Variants in BRDT observed in about 807,000 individuals in gnomAD.
BRDT encodes bromodomain testis associated, also known as bromodomain testis-specific protein.
A neutral mutation model predicts 113.9 loss-of-function variants in BRDT; 77 were observed. That is an observed-to-expected ratio of 0.68 (90% CI 0.56 to 0.82). BRDT has a LOEUF of 0.82. Ranked by LOEUF, BRDT falls within the 40% of genes least tolerant of loss-of-function variation. The pLI is 0.00. For synonymous variants in BRDT, 358 were observed against 366.5 expected, an observed-to-expected ratio of 0.98 and a Z score of 0.26; for missense variants, 1,027 against 1,105.4, an observed-to-expected ratio of 0.93 and a Z score of 1.01.
chr1:91,990,752 T>C (rs1685674693), intron 12 of BRDT, among the ~76,000 whole-genome samples: 1 of 152,094 alleles, frequency 6.6e-6, no homozygotes, highest in African/African-American at 2.4e-5. Flanking sequence ...ACTCTAAGGA[T>C]TTCTTGATAT....
At chr1:92,009,529 G>A (rs984894456) in intron 18 of BRDT, among the ~76,000 whole-genome samples, 6 of 139,274 alleles carry the variant, frequency 4.3e-5, no homozygotes, top group African/African-American at 1.6e-4. Flanking sequence ...TTGTTTGCAG[G>A]TTTTTCAACT....
At position 91,979,449 on chromosome 1, in the gene BRDT, TAAAGGA is replaced by T. The variant is rs913960025; in HGVS notation, c.1099-116_1099-111del. On this transcript the variant is annotated intron_variant, in intron 7 of 18. Coordinates refer to ENST00000399546, the MANE Select transcript of BRDT (RefSeq NM_207189.4). Reference sequence around the variant, plus strand: ...TTAATACGTTTCTTCTGATATATCTTAAAGGAAAAAAGAATTCTGGTCAAAATATGA... The same window carrying T: ...TTAATACGTTTCTTCTGATATATCTTAAAAAGAATTCTGGTCAAAATATGA... 4 of 1,002,246 alleles carry T rather than the reference TAAAGGA, an allele frequency of 4.0e-6. No homozygotes were observed. The African/African-American group carries it at 6.6e-5, about 17-fold the overall frequency. The allele number at this position is 1,002,246 out of a possible 1,614,324, so 62.1% of individuals were successfully genotyped here. A position where few individuals can be genotyped will look rare whatever the true frequency, so the allele number is the denominator to read the frequency against.
rs1203337793 is a variant in BRDT at position 92,004,309 on chromosome 1, T to C, written c.2389-105T>C. The C allele has an allele frequency of 5.7e-6, 4 of 706,620 alleles. No individual in the cohort carries two copies. The Admixed American group carries it at 1.1e-4, about 20-fold the overall frequency. 43.8% of individuals were successfully genotyped at this position (706,620 alleles called of 1,614,324 possible). A position where few individuals can be genotyped will look rare whatever the true frequency, so the allele number is the denominator to read the frequency against. The stretch of plus-strand genomic sequence containing the variant: ...TTTAGTAAAAGTACATGAAGCCCTT[T>C]AGAATCTTAATTAGATCTATTGCTG... On this transcript the variant is annotated intron_variant, in intron 16 of 18. Coordinates refer to ENST00000399546, the MANE Select transcript of BRDT (RefSeq NM_207189.4).
intron 4 of BRDT, among the ~76,000 whole-genome samples, chr1:91,974,862 G>A (rs1036316434): frequency 5.3e-5 from 8 of 152,288 alleles, no homozygotes; most frequent in Admixed American, 2.0e-4. Context: ...ATTCACAATA[G>A]CAAAGACTTG....
rs199681753 is a variant in BRDT, at chr1:91,978,211, C to T, written c.1013C>T (p.Ala338Val). ...NQEYKDAYKF[A>V]ADVRLMFMNC... is the part of the protein sequence containing the mutation. Reference sequence around the variant, plus strand: ...GAATATAAGGATGCATACAAATTTGCGGCAGATGTTAGATTAATGTTCATG... The same window carrying T: ...GAATATAAGGATGCATACAAATTTGTGGCAGATGTTAGATTAATGTTCATG... Residue 338 changes from alanine to valine, a missense_variant, in exon 7 of 19, where the codon GCG becomes GTG. By Grantham distance (64) the Ala-to-Val change is moderately conservative. Transcript: ENST00000399546. The T allele has an allele frequency of 2.5e-5, 40 of 1,613,360 alleles. No homozygotes were observed. Among genetic ancestry groups the T allele is most frequent in the African/African-American group, 5.3e-5 (4 of 74,854 alleles).
chr1:91,959,131 C>T (rs888889754), intron 1 of BRDT, among the ~76,000 whole-genome samples: 1 of 152,052 alleles, frequency 6.6e-6, no homozygotes, highest in African/African-American at 2.4e-5. Context: ...GAGCCAAGAT[C>T]GCGCCACTGC....
At chr1:92,007,393 T>G (rs1315650148) in intron 18 of BRDT, among the ~76,000 whole-genome samples, 1 of 152,176 alleles carries the variant, frequency 6.6e-6, no homozygotes, top group Admixed American at 6.5e-5. Context: ...CCTCCCAACC[T>G]CCACCCTCAA....
chr1:92,002,494 G>C (rs1686951961), intron 16 of BRDT, among the ~76,000 whole-genome samples: 1 of 152,088 alleles, frequency 6.6e-6, no homozygotes, highest in African/African-American at 2.4e-5. Flanking sequence ...CTCCCAAGTA[G>C]CTGGGATTAC....
intron 18 of BRDT, among the ~76,000 whole-genome samples, chr1:92,011,045 A>G (rs1017675649): frequency 6.6e-5 from 10 of 152,036 alleles, no homozygotes; most frequent in African/African-American, 2.2e-4. Flanking sequence ...GTGTAAATTC[A>G]TAGGACATAT....
chr1:91,954,937 G>T (rs911158186), intron 1 of BRDT, among the ~76,000 whole-genome samples: 1 of 152,098 alleles, frequency 6.6e-6, no homozygotes, highest in East Asian at 1.9e-4. Flanking sequence ...CTCCAGCCTG[G>T]GTGACAAAGC....
intron 18 of BRDT, among the ~76,000 whole-genome samples, chr1:92,009,457 A>G (rs577718907): frequency 1.3e-5 from 2 of 151,906 alleles, no homozygotes; most frequent in African/African-American, 4.8e-5. Context: ...TTACTTACCT[A>G]TTGAAGGACA....
intron 7 of BRDT, among the ~76,000 whole-genome samples, chr1:91,979,237 C>T (rs543884722): frequency 1.3e-5 from 2 of 151,650 alleles, no homozygotes; most frequent in South Asian, 4.2e-4. Context: ...CCTCAGCCAC[C>T]GAAGTAGCTG....
At position 92,014,331 on chromosome 1, in the gene BRDT, A is replaced by G. The variant is rs751357267; in HGVS notation, c.*57A>G. The G allele has an allele frequency of 3.4e-6, 4 of 1,180,454 alleles. No homozygotes were observed. The highest frequency in any genetic ancestry group is 2.8e-5 in the South Asian group (2 of 70,650). 73.1% of individuals were successfully genotyped at this position (1,180,454 alleles called of 1,614,324 possible). ...AATGAATGGTAAAAGATCAAAATGC[A>G]TATGGTAAAATGATTGCTTTCAGAT... On this transcript the variant is annotated 3_prime_UTR_variant, in exon 19 of 19. Transcript: ENST00000399546.
At chr1:91,996,502 C>A (rs1406016467) in intron 15 of BRDT, among the ~76,000 whole-genome samples, 1 of 152,200 alleles carries the variant, frequency 6.6e-6, no homozygotes, top group Non-Finnish European at 1.5e-5. Flanking sequence ...CCACCTTGGC[C>A]TCCCAAAGTT....
chr1:92,000,001 A>G (rs1686691723), intron 15 of BRDT, among the ~76,000 whole-genome samples: 1 of 152,126 alleles, frequency 6.6e-6, no homozygotes. Context: ...TCAGCCTCTC[A>G]AGTAGCTGGG....
At chr1:91,996,187 T>A (rs936673642) in intron 15 of BRDT, among the ~76,000 whole-genome samples, 2 of 152,208 alleles carry the variant, frequency 1.3e-5, no homozygotes, top group Admixed American at 6.5e-5. Context: ...CAAATTTGTA[T>A]ACTTTGTGTA....
chr1:91,980,513 A>G, intron 8 of BRDT, 130 bp from the exon 9 acceptor site: 1 of 790,744 alleles, frequency 1.3e-6, no homozygotes. Context: ...TTAAATAAAA[A>G]CTTGAAGGAA....
At chr1:91,989,393 C>T (rs1186090878) in intron 12 of BRDT, among the ~76,000 whole-genome samples, 1 of 152,128 alleles carries the variant, frequency 6.6e-6, no homozygotes. Context: ...CAGCTTCTGG[C>T]TCTGTCACCC....
At chr1:91,956,448 T>C (rs919334023) in intron 1 of BRDT, among the ~76,000 whole-genome samples, 1 of 152,142 alleles carries the variant, frequency 6.6e-6, no homozygotes, top group Non-Finnish European at 1.5e-5. Flanking sequence ...TTTTCTGCCA[T>C]GATGGCAGTG....
Sources: allele counts gnomAD v4.1 joint callset (sites outside exome capture counted in the v4.1 genomes callset), GRCh38; gene constraint gnomAD v4.1.1; transcripts MANE v1.5; gene names NCBI Gene and HGNC (gene_info 2026-07-23, HGNC 2026-07-21).